CD38: variants seen among roughly 807,000 people sequenced by gnomAD.
CD38 encodes the protein ADP-ribosyl cyclase/cyclic ADP-ribose hydrolase 1.
Under a neutral mutation model 36.3 loss-of-function variants are expected in CD38, and 31 were observed. The observed-to-expected ratio is 0.85, with a 90% CI of 0.64 to 1.15. The LOEUF is 1.15. Ranked by LOEUF, CD38 falls within the 50% of genes most tolerant of loss-of-function variation. CD38 has a pLI of 0.00. For missense variants in CD38, 380 were observed against 371.9 expected, an observed-to-expected ratio of 1.02 and a Z score of -0.18; for synonymous variants, 131 against 135.2, an observed-to-expected ratio of 0.97 and a Z score of 0.22.
intron 1 of CD38, among the ~76,000 whole-genome samples, chr4:15,799,558 G>A (rs1204450758): frequency 6.6e-6 from 1 of 152,118 alleles, no homozygotes; most frequent in Non-Finnish European, 1.5e-5. Context: ...CATCCATGTT[G>A]TATGTATTAA....
intron 7 of CD38, among the ~76,000 whole-genome samples, chr4:15,848,335 G>A (rs2148930112): frequency 6.6e-6 from 1 of 152,206 alleles, no homozygotes; most frequent in African/African-American, 2.4e-5. Context: ...CGTGGCCTTG[G>A]TTGCTGCTCC....
chr4:15,824,176 G>A (rs1055698780), intron 2 of CD38, among the ~76,000 whole-genome samples: 2 of 152,088 alleles, frequency 1.3e-5, no homozygotes, highest in African/African-American at 4.8e-5. Flanking sequence ...GAGAACATTA[G>A]GACAAATAGC....
At chr4:15,780,214 T>G (rs1171978777) in intron 1 of CD38, among the ~76,000 whole-genome samples, 1 of 152,148 alleles carries the variant, frequency 6.6e-6, no homozygotes. Context: ...TTTTCCAAAT[T>G]CCAGGTATTC....
intron 1 of CD38, among the ~76,000 whole-genome samples, chr4:15,791,790 G>T (rs1333263026): frequency 2.6e-5 from 2 of 77,738 alleles, no homozygotes; most frequent in East Asian, 2.8e-4. Context: ...CGCCCCGTCC[G>T]GGAGGGAGGT....
intron 1 of CD38, among the ~76,000 whole-genome samples, chr4:15,783,329 G>A (rs1397053193): frequency 6.6e-6 from 1 of 152,206 alleles, no homozygotes; most frequent in East Asian, 1.9e-4. Context: ...AAGATATCCA[G>A]AGAGTGTAAC....
At chr4:15,791,760 G>A (rs1301050020) in intron 1 of CD38, among the ~76,000 whole-genome samples, 1 of 76,328 alleles carries the variant, frequency 1.3e-5, no homozygotes, top group Non-Finnish European at 2.3e-5. Context: ...GGGAAGTGAG[G>A]ATCCCTCTGC....
intron 3 of CD38, among the ~76,000 whole-genome samples, chr4:15,832,388 T>C (rs1318343544): frequency 6.8e-6 from 1 of 146,512 alleles, no homozygotes; most frequent in Non-Finnish European, 1.5e-5. Flanking sequence ...GGCCTGTTTG[T>C]ACTTGTCCTT....
intron 1 of CD38, among the ~76,000 whole-genome samples, chr4:15,785,780 T>C (rs1212608200): frequency 1.3e-5 from 2 of 152,214 alleles, no homozygotes; most frequent in Non-Finnish European, 2.9e-5. Context: ...GGGTCCGGAA[T>C]TCGTGGGTTC....
chr4:15,796,757 T>C (rs1259648793), intron 1 of CD38, among the ~76,000 whole-genome samples: 1 of 152,180 alleles, frequency 6.6e-6, no homozygotes, highest in Non-Finnish European at 1.5e-5. Flanking sequence ...ACATAGTATC[T>C]CTTCCGTGTC....
At chr4:15,791,029 C>A (rs1269597023) in intron 1 of CD38, among the ~76,000 whole-genome samples, 3 of 142,576 alleles carry the variant, frequency 2.1e-5, no homozygotes, top group Admixed American at 6.7e-5. Flanking sequence ...GCAGCCACCC[C>A]GTCCGGGAGG....
At chr4:15,833,967 C>T (rs1297447959) in intron 3 of CD38, among the ~76,000 whole-genome samples, 2 of 152,206 alleles carry the variant, frequency 1.3e-5, no homozygotes, top group Non-Finnish European at 2.9e-5. Context: ...CTTTTGGTAG[C>T]ATTTCCCAGA....
At chr4:15,817,365 C>T (rs4698419) in intron 2 of CD38, among the ~76,000 whole-genome samples, 21,411 of 152,168 alleles carry the variant, frequency 0.14, 1,712 homozygotes, top group South Asian at 0.24. Context: ...TTTGTGAAGC[C>T]CTTAAATCCA....
At chr4:15,795,457 G>C (rs1259451104) in intron 1 of CD38, among the ~76,000 whole-genome samples, 1 of 152,174 alleles carries the variant, frequency 6.6e-6, no homozygotes, top group East Asian at 1.9e-4. Flanking sequence ...TAACATTCTT[G>C]TTCCCTCTAA....
At chr4:15,786,706 T>C (rs1458501042) in intron 1 of CD38, among the ~76,000 whole-genome samples, 4 of 152,244 alleles carry the variant, frequency 2.6e-5, no homozygotes, top group Non-Finnish European at 5.9e-5. Flanking sequence ...CAGGCGGAGC[T>C]GCCTGCCAGT....
chr4:15,786,003 G>C (rs555600824), intron 1 of CD38, among the ~76,000 whole-genome samples: 1 of 151,102 alleles, frequency 6.6e-6, no homozygotes, highest in Non-Finnish European at 1.5e-5. Context: ...GTCTGGAGTT[G>C]TTCGTTCCTC....
At chr4:15,805,207 T>C (rs899382323) in intron 1 of CD38, among the ~76,000 whole-genome samples, 1 of 152,212 alleles carries the variant, frequency 6.6e-6, no homozygotes, top group Non-Finnish European at 1.5e-5. Flanking sequence ...ATGGAAACTT[T>C]TAAAAACTTT....
chr4:15,784,006 G>C, intron 1 of CD38, among the ~76,000 whole-genome samples: 1 of 152,180 alleles, frequency 6.6e-6, no homozygotes, highest in East Asian at 1.9e-4. Flanking sequence ...CACAAGCATT[G>C]ATCTCCAGGA....
At chr4:15,840,257 T>C in intron 6 of CD38, 139 bp downstream of exon 6, 1 of 737,762 alleles carries the variant, frequency 1.4e-6, no homozygotes, top group African/African-American at 1.8e-5. Context: ...AACAGCCTCT[T>C]AACTTTATCT....
At chr4:15,834,562 G>A (rs990785144) in intron 4 of CD38, among the ~76,000 whole-genome samples, 3 of 152,132 alleles carry the variant, frequency 2.0e-5, no homozygotes, top group Non-Finnish European at 2.9e-5. Context: ...CCAGGAACCT[G>A]GGGCTTGGTT....
Sources: allele counts gnomAD v4.1 joint callset (sites outside exome capture counted in the v4.1 genomes callset), GRCh38; gene constraint gnomAD v4.1.1; transcripts MANE v1.5; gene names NCBI Gene and HGNC (gene_info 2026-07-23, HGNC 2026-07-21).